NFAT5: variants seen among roughly 807,000 people sequenced by gnomAD.
NFAT5 encodes nuclear factor of activated T cells 5.
A neutral mutation model predicts 166.5 loss-of-function variants in NFAT5; 31 were observed. The observed-to-expected ratio is 0.19, with a 90% CI of 0.14 to 0.25. The LOEUF (loss-of-function observed/expected upper bound fraction) is 0.25, where lower values mean the gene tolerates loss of function less well. Ranked by LOEUF, NFAT5 falls within the 10% of genes least tolerant of loss-of-function variation. The pLI, the probability that NFAT5 is intolerant of heterozygous loss-of-function variation, is 1.00. For missense variants in NFAT5, 1,449 were observed against 1,821.8 expected, an observed-to-expected ratio of 0.80 and a Z score of 3.72; for synonymous variants, 612 against 639.7, an observed-to-expected ratio of 0.96 and a Z score of 0.65.
At chr16:69,568,672 C>A in intron 2 of NFAT5, 124 bp downstream of exon 2, 1 of 640,954 alleles carries the variant, frequency 1.6e-6, no homozygotes, top group Non-Finnish European at 2.5e-6. Context: ...CCTAAAGAGT[C>A]TGATCCTTCT....
chr16:69,580,810 C>T (rs2031631343), intron 2 of NFAT5, among the ~76,000 whole-genome samples: 1 of 152,006 alleles, frequency 6.6e-6, no homozygotes, highest in Non-Finnish European at 1.5e-5. Flanking sequence ...TGCCCGCCAC[C>T]ACGCCTGGCT....
chr16:69,692,989 G>C lies in NFAT5; in HGVS notation c.3164G>C (p.Gly1055Ala), dbSNP rs759698101. The C allele has an allele frequency of 6.2e-7, 1 of 1,614,086 alleles. No homozygotes were observed. Among genetic ancestry groups the C allele is most frequent in the African/African-American group, 1.3e-5 (1 of 75,036 alleles). Residue 1055 changes from glycine to alanine, a missense_variant, in exon 13 of 15, where the codon GGT becomes GCT. Physicochemically the swap from Gly to Ala is moderately conservative, Grantham distance 60. Coordinates refer to ENST00000349945, the MANE Select transcript of NFAT5 (RefSeq NM_138713.4). ...AGTATGATGAGTGTTCAGAATAGTGGTACCCAACAACAAGGTAATGGTTTA... is the reference window on the plus strand; with the variant it reads ...AGTATGATGAGTGTTCAGAATAGTGCTACCCAACAACAAGGTAATGGTTTA... Reference protein sequence around the residue: ...TKSMMSVQNSGTQQQGNGLFQ... With the variant: ...TKSMMSVQNSATQQQGNGLFQ...
intron 2 of NFAT5, among the ~76,000 whole-genome samples, chr16:69,607,368 T>C (rs1443224764): frequency 1.3e-5 from 2 of 152,328 alleles, no homozygotes; most frequent in African/African-American, 4.8e-5. Context: ...ACTTTCTTCT[T>C]TTTACTTTAT....
At chr16:69,641,277 CAAAAAAAAAAA>C (rs60281310) in intron 3 of NFAT5, among the ~76,000 whole-genome samples, 3 of 72,884 alleles carry the variant, frequency 4.1e-5, no homozygotes, top group African/African-American at 1.6e-4. Flanking sequence ...GACTCCGTCT[CAAAAAAAAAAA>C]AAAAAAAAAA....
At chr16:69,574,898 C>T (rs1479705939) in intron 2 of NFAT5, among the ~76,000 whole-genome samples, 5 of 152,026 alleles carry the variant, frequency 3.3e-5, no homozygotes, top group Non-Finnish European at 7.4e-5. Flanking sequence ...TCTCGAACTC[C>T]TGACCTCGGG....
intron 4 of NFAT5, among the ~76,000 whole-genome samples, chr16:69,650,798 C>T (rs1303963122): frequency 1.3e-5 from 2 of 152,108 alleles, no homozygotes; most frequent in Non-Finnish European, 2.9e-5. Flanking sequence ...TATTTTCTTT[C>T]ATCTCTTTGT....
chr16:69,643,565 T>G (rs1390170605), intron 3 of NFAT5, among the ~76,000 whole-genome samples: 5 of 152,084 alleles, frequency 3.3e-5, no homozygotes, highest in Non-Finnish European at 7.4e-5. Flanking sequence ...ACCTCTAGAC[T>G]CTTAGTATTT....
At chr16:69,579,137 G>A (rs1025359787) in intron 2 of NFAT5, among the ~76,000 whole-genome samples, 1 of 152,132 alleles carries the variant, frequency 6.6e-6, no homozygotes, top group Non-Finnish European at 1.5e-5. Context: ...GCCTCCCAAA[G>A]TACTGGGATT....
intron 2 of NFAT5, among the ~76,000 whole-genome samples, chr16:69,602,949 A>G (rs962204777): frequency 2.0e-5 from 3 of 152,074 alleles, no homozygotes; most frequent in South Asian, 4.1e-4. Flanking sequence ...ATGAAATCCT[A>G]TGTTCCTATT....
At chr16:69,590,671 TA>T (rs1398177245) in intron 2 of NFAT5, among the ~76,000 whole-genome samples, 1 of 152,214 alleles carries the variant, frequency 6.6e-6, no homozygotes, top group East Asian at 1.9e-4. Flanking sequence ...TCCCTCAGCC[TA>T]ACAGTTTAGT....
chr16:69,624,963 G>A lies in NFAT5; in HGVS notation c.128-1440G>A, dbSNP rs368043529. On this transcript the variant is annotated intron_variant, in intron 2 of 14. Coordinates refer to ENST00000349945, the MANE Select transcript of NFAT5 (RefSeq NM_138713.4). The stretch of plus-strand genomic sequence containing the variant: ...TGCCCAGGCTGGAGTGCAATGGCGC[G>A]ATCTTGGCTCACTGCAGCCTCCATC... Among the ~76,000 whole-genome samples, 14 of 151,156 alleles carry A rather than the reference G, an allele frequency of 9.3e-5. 1 individual carries two copies. The highest frequency in any genetic ancestry group is 2.2e-4 in the African/African-American group (9 of 41,186).
intron 2 of NFAT5, among the ~76,000 whole-genome samples, chr16:69,589,546 T>A (rs2032329724): frequency 6.6e-6 from 1 of 151,918 alleles, no homozygotes; most frequent in Non-Finnish European, 1.5e-5. Context: ...GCAAAAAAAA[T>A]TTTAGCAGTT....
At chr16:69,666,287 A>T (rs1483586187) in intron 7 of NFAT5, among the ~76,000 whole-genome samples, 1 of 151,672 alleles carries the variant, frequency 6.6e-6, no homozygotes, top group African/African-American at 2.4e-5. Context: ...AAAACACCAA[A>T]AGCAATGGCA....
intron 7 of NFAT5, 80 bp from the exon 8 acceptor site, chr16:69,669,897 A>C: frequency 8.2e-6 from 10 of 1,221,628 alleles, no homozygotes; most frequent in Non-Finnish European, 1.1e-5. Flanking sequence ...AACTCATAGA[A>C]CCGGATGATT....
chr16:69,598,954 C>G (rs1597377932), intron 2 of NFAT5, among the ~76,000 whole-genome samples: 1 of 146,066 alleles, frequency 6.8e-6, no homozygotes, highest in African/African-American at 2.6e-5. Flanking sequence ...GTGGAGGTTG[C>G]AGTGAGCTGA....
At chr16:69,579,278 GTGAA>G (rs2031511136) in intron 2 of NFAT5, among the ~76,000 whole-genome samples, 1 of 152,102 alleles carries the variant, frequency 6.6e-6, no homozygotes, top group African/African-American at 2.4e-5. Context: ...CTAACGTAGG[GTGAA>G]TGGATGGGAA....
chr16:69,628,070 G>C (rs1382602462), intron 3 of NFAT5, among the ~76,000 whole-genome samples: 1 of 151,766 alleles, frequency 6.6e-6, no homozygotes, highest in African/African-American at 2.4e-5. Context: ...ATCTGTTGAC[G>C]GTAGATCCAG....
rs145580441 is a variant in NFAT5, at chr16:69,568,042, G to A, written c.74-453G>A. Among the ~76,000 whole-genome samples, 47 of 152,338 alleles carry A rather than the reference G, an allele frequency of 3.1e-4. No homozygotes were observed. The East Asian group carries it at 8.1e-3, about 26-fold the overall frequency. ...AATACACTGCAGTTGGCCGGGCGCA[G>A]TGGCTCACGCCTGTATTCCCAGTAC... On this transcript the variant is annotated intron_variant, in intron 1 of 14. Coordinates refer to ENST00000349945, the MANE Select transcript of NFAT5 (RefSeq NM_138713.4).
At chr16:69,645,786 A>C (rs1282251183) in intron 3 of NFAT5, among the ~76,000 whole-genome samples, 2 of 152,164 alleles carry the variant, frequency 1.3e-5, no homozygotes, top group Non-Finnish European at 2.9e-5. Flanking sequence ...ATGTAATGAC[A>C]ACCTTTCCAT....
Sources: gnomAD v4.1 joint callset for allele counts (sites outside exome capture counted in the v4.1 genomes callset) on GRCh38, gnomAD v4.1.1 for gene constraint, MANE v1.5 for transcripts, NCBI Gene and HGNC (gene_info 2026-07-23, HGNC 2026-07-21) for gene names.